The following MME variants were observed in gnomAD, a reference collection of about 807,000 sequenced individuals.
MME encodes neprilysin.
MME carries 98 observed loss-of-function variants against 113.2 expected under a neutral mutation model. The ratio of observed to expected loss-of-function variants is 0.87; its 90% confidence interval spans 0.74 to 1.02. The LOEUF (loss-of-function observed/expected upper bound fraction) is 1.02, where lower values mean the gene tolerates loss of function less well. Among genes scored for constraint, MME ranks in the 50% least tolerant of loss-of-function variants. The probability of loss-of-function intolerance (pLI) is 0.00; values close to 1 mark genes in which losing one functional copy is unlikely to be tolerated. For missense variants in MME, 836 were observed against 896.0 expected (o/e 0.93, Z 0.86); for synonymous variants, 292 against 300.6 (o/e 0.97, Z 0.30).
At chr3:155,176,697 A>T (rs1030641119) in intron 22 of MME, among the ~76,000 whole-genome samples, 1 of 152,082 alleles carries the variant, frequency 6.6e-6, no homozygotes, top group African/African-American at 2.4e-5. Context: ...ATGCTGGTAC[A>T]TGCCTGTAGT....
rs1179679279 is a variant in MME, at chr3:155,160,445, A to G, written c.1657A>G (p.Ile553Val). ...NAFYSSGRNQIVFPAGILQPP... is the reference protein window; with the variant it reads ...NAFYSSGRNQVVFPAGILQPP... ...ATTTTACTCTTCAGGAAGAAATCAG[A>G]TAGGTAAGGTGTATTCTTAAATAAT... is the stretch of plus-strand genomic sequence containing the variant. Residue 553 changes from isoleucine to valine, a missense_variant, in exon 17 of 23, where the codon ATA becomes GTA. Physicochemically the swap from Ile to Val is conservative, Grantham distance 29. Coordinates refer to ENST00000360490, the MANE Select transcript of MME (RefSeq NM_007289.4). The G allele has an allele frequency of 1.3e-6, 2 of 1,589,812 alleles. No individual in the cohort carries two copies. Among genetic ancestry groups the G allele is most frequent in the Non-Finnish European group, 1.7e-6 (2 of 1,158,320 alleles).
rs370342106 is a variant in MME at position 155,116,645 on chromosome 3, T to C, written c.440-19T>C. The C allele has an allele frequency of 3.2e-5, 52 of 1,600,958 alleles. No individual in the cohort carries two copies. Among genetic ancestry groups the C allele is most frequent in the Admixed American group, 1.7e-5 (1 of 59,528 alleles). ...ATGCCTAGATTTCTAATTGAATTTATGTTTGTTGTTTCCAAAAGCTGCTAT... is the reference window on the plus strand; with the variant it reads ...ATGCCTAGATTTCTAATTGAATTTACGTTTGTTGTTTCCAAAAGCTGCTAT... On this transcript the variant is annotated intron_variant, in intron 5 of 22. Coordinates refer to ENST00000360490, the MANE Select transcript of MME (RefSeq NM_007289.4).
chr3:155,177,128 G>T (rs1475255804), intron 22 of MME, among the ~76,000 whole-genome samples: 1 of 152,206 alleles, frequency 6.6e-6, no homozygotes, highest in East Asian at 1.9e-4. Context: ...TACTTTTTAA[G>T]AAAAATATAG....
chr3:155,137,860 G>A (rs1044399451), intron 8 of MME, among the ~76,000 whole-genome samples: 8 of 152,092 alleles, frequency 5.3e-5, no homozygotes, highest in African/African-American at 1.9e-4. Context: ...TAACCAAGTG[G>A]TTATACATTA....
At chr3:155,088,205 C>T (rs1344682960) in intron 3 of MME, among the ~76,000 whole-genome samples, 6 of 141,770 alleles carry the variant, frequency 4.2e-5, no homozygotes, top group South Asian at 4.4e-4. Context: ...CACACACACT[C>T]GTGCGCGCAC....
intron 22 of MME, among the ~76,000 whole-genome samples, chr3:155,177,777 AG>A (rs1712689153): frequency 6.6e-6 from 1 of 152,154 alleles, no homozygotes; most frequent in Non-Finnish European, 1.5e-5. Flanking sequence ...CCAAGCTAGG[AG>A]ATGAGCCATT....
upstream of MME, among the ~76,000 whole-genome samples, chr3:155,078,841 TA>T (rs2108151400): frequency 6.6e-6 from 1 of 152,298 alleles, no homozygotes; most frequent in East Asian, 1.9e-4. Flanking sequence ...CCTTTGTGCC[TA>T]AAGTATTTAT....
chr3:155,071,909 C>T (rs568949926), intron 1 of MME, among the ~76,000 whole-genome samples: 2 of 152,266 alleles, frequency 1.3e-5, no homozygotes, highest in Admixed American at 6.5e-5. Flanking sequence ...CGCCTGTAAT[C>T]CCAGCACTTT....
intron 10 of MME, 57 bp downstream of exon 10, chr3:155,140,349 G>T: frequency 5.2e-6 from 5 of 967,328 alleles, no homozygotes; most frequent in Non-Finnish European, 7.9e-6. Context: ...TTATAACATT[G>T]AAATACTCTT....
chr3:155,103,238 A>G (rs1447161494), intron 3 of MME, among the ~76,000 whole-genome samples: 1 of 152,218 alleles, frequency 6.6e-6, no homozygotes, highest in Non-Finnish European at 1.5e-5. Flanking sequence ...TTACCAATAA[A>G]TATTGATTGA....
chr3:155,046,504 A>G (rs1713565088), intron 1 of MME, among the ~76,000 whole-genome samples: 1 of 152,196 alleles, frequency 6.6e-6, no homozygotes, highest in South Asian at 2.1e-4. Context: ...CCTGGCCAAC[A>G]TGGTGAAACC....
chr3:155,147,257 G>C, intron 15 of MME, 33 bp downstream of exon 15: 1 of 1,294,290 alleles, frequency 7.7e-7, no homozygotes, highest in African/African-American at 1.5e-5. Flanking sequence ...CTGGACTACT[G>C]ATACTTAGGG....
At chr3:155,067,233 A>G (rs73168186) in intron 1 of MME, among the ~76,000 whole-genome samples, 18,218 of 149,040 alleles carry the variant, frequency 0.12, 1,436 homozygotes, top group Admixed American at 0.21. Flanking sequence ...TCTCATTCAA[A>G]GATAAAATAG....
At chr3:155,045,155 C>CTTT (rs56672619) in intron 1 of MME, among the ~76,000 whole-genome samples, 57 of 143,660 alleles carry the variant, frequency 4.0e-4, no homozygotes, top group African/African-American at 8.6e-4. Context: ...TATAAAAAGA[C>CTTT]TTTTTTTTTT....
chr3:155,032,142 T>C (rs918423867), intron 1 of MME, among the ~76,000 whole-genome samples: 2 of 152,188 alleles, frequency 1.3e-5, no homozygotes, highest in African/African-American at 2.4e-5. Flanking sequence ...AAGATAGATC[T>C]CTCCTTTAGA....
At chr3:155,161,211 T>G (rs1020634841) in intron 17 of MME, among the ~76,000 whole-genome samples, 5 of 152,096 alleles carry the variant, frequency 3.3e-5, no homozygotes, top group African/African-American at 4.8e-5. Context: ...GGCTCATTTT[T>G]TTTCAGGGGG....
At chr3:155,122,332 C>T (rs951829747) in intron 8 of MME, among the ~76,000 whole-genome samples, 11 of 148,566 alleles carry the variant, frequency 7.4e-5, no homozygotes, top group South Asian at 2.2e-4. Flanking sequence ...GTCTTACTAG[C>T]GGTCTATCAA....
intron 3 of MME, among the ~76,000 whole-genome samples, chr3:155,111,444 C>T (rs936862377): frequency 6.6e-6 from 1 of 152,210 alleles, no homozygotes; most frequent in African/African-American, 2.4e-5. Flanking sequence ...GCCTCTTCCT[C>T]TCTCTGCTCT....
At chr3:155,143,200 T>A (rs182798518) in intron 12 of MME, among the ~76,000 whole-genome samples, 1 of 152,186 alleles carries the variant, frequency 6.6e-6, no homozygotes, top group African/African-American at 2.4e-5. Flanking sequence ...TACAATGATA[T>A]TAAGTTGTAA....
Sources: gnomAD v4.1 joint callset for allele counts (sites outside exome capture counted in the v4.1 genomes callset) on GRCh38, gnomAD v4.1.1 for gene constraint, MANE v1.5 for transcripts, NCBI Gene and HGNC (gene_info 2026-07-23, HGNC 2026-07-21) for gene names.